The following CDH12 variants were observed in gnomAD, a reference collection of about 807,000 sequenced individuals.
The protein encoded by CDH12 is cadherin 12.
In CDH12, 41 loss-of-function variants were observed where a neutral mutation model predicts 74.1. The observed-to-expected ratio is 0.55, with a 90% CI of 0.43 to 0.72. The LOEUF is 0.72. Ranked by LOEUF, CDH12 falls within the 30% of genes least tolerant of loss-of-function variation. CDH12 has a pLI of 0.00. For synonymous variants in CDH12, 399 were observed against 355.0 expected, an observed-to-expected ratio of 1.12 and a Z score of -1.39; for missense variants, 945 against 977.2, an observed-to-expected ratio of 0.97 and a Z score of 0.44.
intron 5 of CDH12, among the ~76,000 whole-genome samples, chr5:22,056,549 T>G (rs1383803447): frequency 6.6e-6 from 1 of 152,216 alleles, no homozygotes; most frequent in Non-Finnish European, 1.5e-5. Flanking sequence ...ATGTCTTCGT[T>G]GAACATAGAT....
chr5:22,675,275 G>A (rs1441199970), intron 1 of CDH12, among the ~76,000 whole-genome samples: 2 of 152,158 alleles, frequency 1.3e-5, no homozygotes, highest in East Asian at 3.9e-4. Flanking sequence ...CCAACGTATA[G>A]AGCTTGGGCT....
At chr5:22,835,554 T>G (rs1736783451) in intron 1 of CDH12, among the ~76,000 whole-genome samples, 1 of 152,184 alleles carries the variant, frequency 6.6e-6, no homozygotes, top group African/African-American at 2.4e-5. Flanking sequence ...AAGATGGGTT[T>G]ATTTAGTGAT....
intron 4 of CDH12, among the ~76,000 whole-genome samples, chr5:22,140,520 ATG>A (rs369858575): frequency 4.6e-5 from 7 of 150,944 alleles, no homozygotes; most frequent in Admixed American, 6.6e-5. Flanking sequence ...GCCTCTGTGC[ATG>A]TGTGTGTGTG....
chr5:22,436,089 T>TA (rs1231771408), intron 2 of CDH12, among the ~76,000 whole-genome samples: 2 of 151,304 alleles, frequency 1.3e-5, no homozygotes, highest in Non-Finnish European at 2.9e-5. Flanking sequence ...TATGCATCCA[T>TA]AAAAAACGAT....
chr5:22,106,772 C>G (rs1350134370), intron 4 of CDH12, among the ~76,000 whole-genome samples: 1 of 152,184 alleles, frequency 6.6e-6, no homozygotes, highest in Non-Finnish European at 1.5e-5. Flanking sequence ...CTGTATCCAT[C>G]AAGTAATAAC....
chr5:22,396,757 G>T lies in CDH12; in HGVS notation c.-333+8500C>A, dbSNP rs1324831952. ...AATCTCACAGTTGGAGGAAGTTTCAGCATTTCAGCAAGTTGGTTCTTTTCT... is the reference window on the plus strand; with the variant it reads ...AATCTCACAGTTGGAGGAAGTTTCATCATTTCAGCAAGTTGGTTCTTTTCT... On this transcript the variant is annotated intron_variant, in intron 3 of 14. Coordinates refer to ENST00000382254, the MANE Select transcript of CDH12 (RefSeq NM_004061.5). Among the ~76,000 whole-genome samples, 6 of 152,064 alleles carry T rather than the reference G, an allele frequency of 3.9e-5. No individual in the cohort carries two copies. The East Asian group carries it at 9.6e-4, about 24-fold the overall frequency.
At chr5:22,060,795 G>A (rs1202520857) in intron 5 of CDH12, among the ~76,000 whole-genome samples, 1 of 151,992 alleles carries the variant, frequency 6.6e-6, no homozygotes, top group Non-Finnish European at 1.5e-5. Flanking sequence ...CAAAGCAAAG[G>A]GCCACATGCT....
intron 5 of CDH12, among the ~76,000 whole-genome samples, chr5:22,051,967 G>T (rs1313850743): frequency 6.6e-6 from 1 of 152,082 alleles, no homozygotes; most frequent in Non-Finnish European, 1.5e-5. Context: ...TAATTTCCAA[G>T]AGCTGAAAGT....
chr5:21,990,034 A>G (rs1020426437), intron 5 of CDH12, among the ~76,000 whole-genome samples: 1 of 152,092 alleles, frequency 6.6e-6, no homozygotes, highest in Non-Finnish European at 1.5e-5. Context: ...CTCCTATTTA[A>G]TTTGTATCCT....
intron 1 of CDH12, among the ~76,000 whole-genome samples, chr5:22,643,054 G>A (rs1387035623): frequency 6.6e-6 from 1 of 152,050 alleles, no homozygotes. Flanking sequence ...CTTTTGTATT[G>A]ATGCTTAAAT....
intron 3 of CDH12, among the ~76,000 whole-genome samples, chr5:22,402,345 A>G (rs536573376): frequency 9.9e-5 from 15 of 152,230 alleles, no homozygotes; most frequent in Non-Finnish European, 1.8e-4. Context: ...CAGTAGAAAG[A>G]CAAACATTAA....
chr5:22,295,050 A>G (rs1737563898), intron 3 of CDH12, among the ~76,000 whole-genome samples: 1 of 152,116 alleles, frequency 6.6e-6, no homozygotes, highest in South Asian at 2.1e-4. Flanking sequence ...CAACCTCCCC[A>G]CTAATGTCCT....
rs150486280 is a variant in CDH12 at position 22,120,608 on chromosome 5, A to G, written c.-186-41746T>C. On this transcript the variant is annotated intron_variant, in intron 4 of 14. Transcript: ENST00000382254. Reference sequence around the variant, plus strand: ...CTTTAATATATGGAAATGTGAACATATTTATGCAAAAAGAACAATGGTTGT... The same window carrying G: ...CTTTAATATATGGAAATGTGAACATGTTTATGCAAAAAGAACAATGGTTGT... Among the ~76,000 whole-genome samples the G allele has an allele frequency of 9.6e-3, 1,457 of 152,284 alleles. 11 individuals are homozygous for G. Among genetic ancestry groups the G allele is most frequent in the Non-Finnish European group, 0.015 (1,021 of 68,012 alleles).
chr5:22,521,874 A>G (rs1737068374), intron 1 of CDH12, among the ~76,000 whole-genome samples: 1 of 152,192 alleles, frequency 6.6e-6, no homozygotes, highest in Non-Finnish European at 1.5e-5. Flanking sequence ...ACCTCCAAAT[A>G]GAGTTTCCTA....
chr5:22,056,589 A>G (rs565688252), intron 5 of CDH12, among the ~76,000 whole-genome samples: 15 of 152,304 alleles, frequency 9.8e-5, no homozygotes, highest in African/African-American at 3.4e-4. Context: ...CTTTTGTTCA[A>G]AGGAATGAAA....
chr5:22,157,162 T>TC (rs1437669568), intron 4 of CDH12, among the ~76,000 whole-genome samples: 1 of 146,734 alleles, frequency 6.8e-6, no homozygotes, highest in African/African-American at 2.5e-5. Context: ...GAAATTTACA[T>TC]CTCCCTGACA....
chr5:22,373,288 GACTGACCTGCCCAGCCCATTGCAGCCAC>G (rs980672660), intron 3 of CDH12, among the ~76,000 whole-genome samples: 7 of 152,140 alleles, frequency 4.6e-5, no homozygotes, highest in African/African-American at 1.7e-4. Flanking sequence ...CACCTGTGTG[GACTGACCTGCCCAGCCCATTGCAGCCAC>G]CACTAGTGCC....
chr5:22,752,692 C>A (rs1275639099), intron 1 of CDH12, among the ~76,000 whole-genome samples: 1 of 89,354 alleles, frequency 1.1e-5, no homozygotes, highest in African/African-American at 4.5e-5. Flanking sequence ...CTGCCTCAGC[C>A]TCCCTAGTAG....
rs185020339 is a variant in CDH12 at position 22,590,850 on chromosome 5, A to G, written c.-522-85486T>C. Reference sequence around the variant, plus strand: ...TCCTCCTATTTTCTTTCTCTGTTTCAACTAAGTCTCCCTTTTGTCTCATAC... The same window carrying G: ...TCCTCCTATTTTCTTTCTCTGTTTCGACTAAGTCTCCCTTTTGTCTCATAC... On this transcript the variant is annotated intron_variant, in intron 1 of 14. Transcript: ENST00000382254. 1.2e-4 allele frequency among the ~76,000 whole-genome samples: 18 copies of G among 152,124 alleles called. No individual in the cohort carries two copies. In the East Asian group the frequency reaches 3.5e-3, roughly 29 times the overall value.
Sources: gnomAD v4.1 joint callset for allele counts (sites outside exome capture counted in the v4.1 genomes callset) on GRCh38, gnomAD v4.1.1 for gene constraint, MANE v1.5 for transcripts, NCBI Gene and HGNC (gene_info 2026-07-23, HGNC 2026-07-21) for gene names.